The following ATP2B3 variants were observed in gnomAD, a reference collection of about 807,000 sequenced individuals.
ATP2B3 encodes the protein plasma membrane calcium-transporting ATPase 3.
A neutral mutation model predicts 70.8 loss-of-function variants in ATP2B3; 12 were observed. The observed-to-expected ratio is 0.17, with a 90% confidence interval of 0.11 to 0.27. The LOEUF is 0.27. Ranked by LOEUF, ATP2B3 falls within the 10% of genes least tolerant of loss-of-function variation. ATP2B3 has a pLI of 1.00. For missense variants in ATP2B3, 858 were observed against 1,118.5 expected, an observed-to-expected ratio of 0.77 and a Z score of 3.32; for synonymous variants, 460 against 497.8, an observed-to-expected ratio of 0.92 and a Z score of 1.01.
Position 153,560,863 on chromosome X carries a change from C to T in ATP2B3, c.3027C>T (p.Ile1009=), listed in dbSNP as rs1603101624. Residue 1009 remains isoleucine, a synonymous_variant, in exon 19 of 22, where the codon ATC becomes ATT. Transcript: ENST00000263519. The part of the protein sequence containing the change: ...GIFSNPIFCT[I]VLGTFGIQIV... ...TCAGCAACCCCATCTTCTGCACCAT[C>T]GTTTTGGGCACTTTCGGGATTCAGG... 4.1e-6 allele frequency: 5 copies of T among 1,211,881 alleles called. No homozygotes were observed. Among genetic ancestry groups the T allele is most frequent in the Non-Finnish European group, 3.4e-6 (3 of 895,506 alleles).
chrX:153,529,688 C>T (rs2090086149), intron 2 of ATP2B3, among the ~76,000 whole-genome samples: 1 of 112,321 alleles, frequency 8.9e-6, no homozygotes. Flanking sequence ...TCTTCCCAAA[C>T]TGAAGCTCTG....
chrX:153,547,835 C>T lies in ATP2B3; in HGVS notation c.959C>T (p.Ala320Val), dbSNP rs1557009327. 1.7e-6 allele frequency: 2 copies of T among 1,191,801 alleles called. No individual in the cohort carries two copies. Among genetic ancestry groups the T allele is most frequent in the Non-Finnish European group, 2.3e-6 (2 of 883,652 alleles). Residue 320 changes from alanine (A) to valine (V), a missense_variant and splice_region_variant, in exon 9 of 22, where the codon GCT (alanine) becomes GTT (valine). This residue lies in a region of ATP2B3 where 278 missense variants were observed against 366.2 expected (regional missense o/e 0.76). Transcript: ENST00000263519. ...GGCCATGGGGTTCCTCTGTGTGCAG[C>T]TAAGAAGCAGGATGGTGCAGTGGCC... ...DGAMESSQTK[A>V]KKQDGAVAME...
At chrX:153,571,718 C>T (rs2090792538) in intron 21 of ATP2B3, among the ~76,000 whole-genome samples, 1 of 112,534 alleles carries the variant, frequency 8.9e-6, no homozygotes, top group South Asian at 3.6e-4. Context: ...GAGACGCCAC[C>T]CCTCCTGCTG....
rs181509158 is a variant in ATP2B3, at chrX:153,542,979, C to T, written c.791-64C>T. The T allele has an allele frequency of 9.7e-4, 1,125 of 1,163,584 alleles. 4 individuals carry two copies. In the African/African-American group the frequency reaches 0.011, roughly 12 times the overall value. ...GAGACCCTGGGAGACAGGTTGTGGG[C>T]GCTGAATGTGTCTCCCACTGGGTGA... On this transcript the variant is annotated intron_variant, in intron 6 of 21. Coordinates refer to ENST00000263519, the MANE Select transcript of ATP2B3 (RefSeq NM_001001344.3).
chrX:153,561,993 C>T, intron 19 of ATP2B3, 142 bp from the exon 20 acceptor site: 1 of 562,234 alleles, frequency 1.8e-6, no homozygotes, highest in South Asian at 2.5e-5. Flanking sequence ...CATCACGCCC[C>T]CGGCCTTGTG....
rs144084270 is a variant in ATP2B3 at position 153,550,236 on chromosome X, C to T, written c.1773C>T (p.Asp591=). ...TGAGCACAGTCATCCGCATGCCCGACGGTGGCTTCCGCCTCTTCAGCAAGG... is the reference window on the plus strand; with the variant it reads ...TGAGCACAGTCATCCGCATGCCCGATGGTGGCTTCCGCCTCTTCAGCAAGG... ...KSMSTVIRMP[D]GGFRLFSKGA... The change falls in exon 12 of 22, where the codon GAC becomes GAT. Residue 591 remains aspartate (D), a synonymous_variant. Coordinates refer to ENST00000263519, the MANE Select transcript of ATP2B3 (RefSeq NM_001001344.3). The T allele has an allele frequency of 1.1e-5, 13 of 1,211,322 alleles. No homozygotes were observed. Among genetic ancestry groups the T allele is most frequent in the Middle Eastern group, 2.3e-4 (1 of 4,377 alleles).
intron 21 of ATP2B3, among the ~76,000 whole-genome samples, chrX:153,578,496 G>T (rs1557021850): frequency 8.9e-6 from 1 of 112,973 alleles, no homozygotes; most frequent in African/African-American, 3.2e-5. Context: ...GGCCCAGGCT[G>T]AGGGGCCAGG....
At position 153,580,450 on chromosome X, in the gene ATP2B3, G is replaced by T. The variant is rs2090910326; in HGVS notation, c.*152G>T. On this transcript the variant is annotated 3_prime_UTR_variant, in exon 22 of 22. Transcript: ENST00000263519. ...TGAAGACCTTTCTGGCAGGGCATTTGCAAGGACCCAAATCCATTCAACAAG... is the reference window on the plus strand; with the variant it reads ...TGAAGACCTTTCTGGCAGGGCATTTTCAAGGACCCAAATCCATTCAACAAG... 1 of 550,130 alleles carries T rather than the reference G, an allele frequency of 1.8e-6. No homozygotes were observed. Among genetic ancestry groups the T allele is most frequent in the Non-Finnish European group, 2.8e-6 (1 of 352,824 alleles). The allele number at this position is 550,130 out of a possible 1,213,427, so 45.3% of individuals were successfully genotyped here. A position where few individuals can be genotyped will look rare whatever the true frequency, so the allele number is the denominator to read the frequency against.
At chrX:153,564,784 C>T in intron 20 of ATP2B3, 137 bp from the exon 21 acceptor site, 1 of 659,460 alleles carries the variant, frequency 1.5e-6, no homozygotes, top group Non-Finnish European at 2.2e-6. Context: ...TCTAGCTTTA[C>T]TCCCTTTGCT....
At chrX:153,579,030 G>A (rs1557022016) in intron 21 of ATP2B3, among the ~76,000 whole-genome samples, 1 of 112,987 alleles carries the variant, frequency 8.9e-6, no homozygotes, top group African/African-American at 3.2e-5. Context: ...GGAGCTCTGA[G>A]TACAGGCCTG....
intron 2 of ATP2B3, among the ~76,000 whole-genome samples, chrX:153,523,828 T>C (rs2089993593): frequency 9.2e-6 from 1 of 108,183 alleles, no homozygotes; most frequent in African/African-American, 3.4e-5. Context: ...CCCGAGTAGC[T>C]GGGATTACAG....
At chrX:153,559,478 G>T (rs2090590740) in intron 17 of ATP2B3, 1 of 400,393 alleles carries the variant, frequency 2.5e-6, no homozygotes, top group East Asian at 4.0e-5. Context: ...TGTGGTCTGG[G>T]GTTTTTCACC....
chrX:153,538,633 T>C (rs2090231545), intron 3 of ATP2B3, among the ~76,000 whole-genome samples: 1 of 112,993 alleles, frequency 8.9e-6, no homozygotes, highest in Admixed American at 9.2e-5. Flanking sequence ...CCAATTCTGA[T>C]GGCATCTGGC....
chrX:153,551,252 G>A (rs1433376781), intron 12 of ATP2B3, among the ~76,000 whole-genome samples: 1 of 111,898 alleles, frequency 8.9e-6, no homozygotes, highest in Non-Finnish European at 1.9e-5. Context: ...ATGCTGATGG[G>A]GGCCATCCTT....
intron 9 of ATP2B3, 54 bp from the exon 10 acceptor site, chrX:153,548,586 C>A (rs963131559): frequency 3.8e-6 from 4 of 1,066,512 alleles, no homozygotes. Context: ...TTCCTGTCCC[C>A]CTCCTTCCCT....
At chrX:153,554,604 G>A (rs921638566) in intron 13 of ATP2B3, among the ~76,000 whole-genome samples, 4 of 112,766 alleles carry the variant, frequency 3.5e-5, no homozygotes, top group African/African-American at 6.5e-5. Context: ...CCTGGGTGCC[G>A]GCAACAGGCA....
intron 21 of ATP2B3, among the ~76,000 whole-genome samples, chrX:153,570,682 G>A (rs1412125082): frequency 1.8e-5 from 2 of 111,189 alleles, no homozygotes; most frequent in Non-Finnish European, 3.8e-5. Context: ...ACTTTCGCGC[G>A]TGGGCCCAGG....
At chrX:153,539,921 A>G (rs2090254545) in intron 3 of ATP2B3, among the ~76,000 whole-genome samples, 1 of 113,078 alleles carries the variant, frequency 8.8e-6, no homozygotes, top group South Asian at 3.6e-4. Flanking sequence ...CAAGGATGAC[A>G]AGTGACAGAA....
chrX:153,562,034 G>C, intron 19 of ATP2B3, 101 bp from the exon 20 acceptor site: 1 of 752,607 alleles, frequency 1.3e-6, no homozygotes, highest in Non-Finnish European at 2.1e-6. Context: ...CCGTGCAACT[G>C]GGGGAACCAA....
Sources: gnomAD v4.1 joint callset for allele counts (sites outside exome capture counted in the v4.1 genomes callset) on GRCh38, gnomAD v4.1.1 for gene constraint, gnomAD v4.1.1 regional missense constraint, MANE v1.5 for transcripts, NCBI Gene and HGNC (gene_info 2026-07-23, HGNC 2026-07-21) for gene names.